STAM: variants seen among roughly 807,000 people sequenced by gnomAD.
STAM encodes signal transducing adapter molecule 1.
In STAM, 16 loss-of-function variants were observed where a neutral mutation model predicts 63.4. The ratio of observed to expected loss-of-function variants is 0.25; its 90% CI spans 0.17 to 0.38. The LOEUF (loss-of-function observed/expected upper bound fraction) is 0.38. STAM is among the 10% of genes least tolerant of loss of function. STAM has a pLI of 1.00. For synonymous variants in STAM, 238 were observed against 223.9 expected, an observed-to-expected ratio of 1.06 and a Z score of -0.56; for missense variants, 636 against 657.1, an observed-to-expected ratio of 0.97 and a Z score of 0.35.
At chr10:17,659,793 C>G (rs1554822641) in intron 1 of STAM, among the ~76,000 whole-genome samples, 1 of 152,074 alleles carries the variant, frequency 6.6e-6, no homozygotes, top group Non-Finnish European at 1.5e-5. Context: ...TATGTAGATA[C>G]AAGTTTCTGA....
intron 8 of STAM, among the ~76,000 whole-genome samples, chr10:17,699,791 A>AT (rs541686405): frequency 2.0e-4 from 30 of 151,846 alleles, no homozygotes; most frequent in Middle Eastern, 3.4e-3. Flanking sequence ...ACCAAATGAG[A>AT]TTTTTTCTTG....
chr10:17,697,738 A>G (rs184483728), intron 8 of STAM, among the ~76,000 whole-genome samples: 29 of 152,322 alleles, frequency 1.9e-4, no homozygotes, highest in Non-Finnish European at 3.2e-4. Flanking sequence ...AAACAGAAAA[A>G]TATGTTCAAA....
chr10:17,648,604 C>T (rs1468595748), intron 1 of STAM, among the ~76,000 whole-genome samples: 1 of 152,180 alleles, frequency 6.6e-6, no homozygotes, highest in Non-Finnish European at 1.5e-5. Context: ...ACAAACCCAC[C>T]AGAGGGAACA....
chr10:17,713,949 C>T (rs781915088), intron 13 of STAM, among the ~76,000 whole-genome samples: 4 of 152,162 alleles, frequency 2.6e-5, no homozygotes, highest in Non-Finnish European at 5.9e-5. Context: ...CTTAGCTGCT[C>T]TCCCCTCGGC....
chr10:17,692,092 G>A (rs1207912527), intron 5 of STAM, among the ~76,000 whole-genome samples: 1 of 152,198 alleles, frequency 6.6e-6, no homozygotes, highest in African/African-American at 2.4e-5. Flanking sequence ...TGCCCATGAG[G>A]TGTAGGTGCT....
At chr10:17,699,339 C>T (rs1336196539) in intron 8 of STAM, among the ~76,000 whole-genome samples, 4 of 152,174 alleles carry the variant, frequency 2.6e-5, no homozygotes, top group Non-Finnish European at 1.5e-5. Flanking sequence ...TCCTGTCTTC[C>T]TTTCCATCAT....
At chr10:17,675,076 A>G (rs1554824500) in intron 2 of STAM, among the ~76,000 whole-genome samples, 1 of 152,218 alleles carries the variant, frequency 6.6e-6, no homozygotes, top group Non-Finnish European at 1.5e-5. Context: ...TGAACAGCTG[A>G]CAGATAGGGA....
At chr10:17,712,123 T>C (rs1348316354) in intron 13 of STAM, among the ~76,000 whole-genome samples, 2 of 152,216 alleles carry the variant, frequency 1.3e-5, no homozygotes, top group Non-Finnish European at 2.9e-5. Flanking sequence ...ACAATAATGC[T>C]AACATTTAAG....
chr10:17,672,939 C>A, intron 2 of STAM: 1 of 703,704 alleles, frequency 1.4e-6, no homozygotes, highest in Non-Finnish European at 1.7e-6. Flanking sequence ...TTTGTCCCTG[C>A]CCCTGACCCC....
intron 2 of STAM, among the ~76,000 whole-genome samples, chr10:17,667,621 C>T (rs1834449671): frequency 6.6e-6 from 1 of 152,186 alleles, no homozygotes; most frequent in Non-Finnish European, 1.5e-5. Flanking sequence ...GTCAATGGTG[C>T]TAATATTCTA....
At chr10:17,693,117 A>T (rs1262526477) in intron 5 of STAM, 105 bp from the exon 6 acceptor site, 72 of 833,112 alleles carry the variant, frequency 8.6e-5, no homozygotes, top group Non-Finnish European at 2.2e-5. Flanking sequence ...TTCTTTCAGA[A>T]ATCTGTGCTA....
chr10:17,673,008 T>A (rs1834703264), intron 2 of STAM: 1 of 985,100 alleles, frequency 1.0e-6, no homozygotes, highest in Admixed American at 6.2e-5. Context: ...TTACAAAAAG[T>A]TTTAAAATAC....
intron 10 of STAM, 89 bp from the exon 11 acceptor site, chr10:17,704,881 T>G: frequency 8.9e-7 from 1 of 1,129,398 alleles, no homozygotes; most frequent in South Asian, 1.4e-5. Flanking sequence ...ATTAAATCTT[T>G]TATTCCTTAA....
At chr10:17,696,246 A>C (rs1835750825) in intron 7 of STAM, 1 of 152,106 alleles carries the variant, frequency 6.6e-6, no homozygotes, top group East Asian at 1.9e-4. Context: ...TGTTCTTTCA[A>C]AAACATGTAT....
intron 2 of STAM, among the ~76,000 whole-genome samples, chr10:17,682,097 A>G (rs977617487): frequency 6.6e-6 from 1 of 152,212 alleles, no homozygotes; most frequent in Non-Finnish European, 1.5e-5. Flanking sequence ...TGACAAATAT[A>G]TATACCTATA....
chr10:17,684,960 G>A (rs782289861), intron 4 of STAM, 33 bp downstream of exon 4: 1 of 1,535,442 alleles, frequency 6.5e-7, no homozygotes, highest in Non-Finnish European at 9.0e-7. Context: ...ATTAATTAAG[G>A]CAGTCTTCTT....
chr10:17,660,416 T>A, intron 1 of STAM, 48 bp from the exon 2 acceptor site: 1 of 1,310,920 alleles, frequency 7.6e-7, no homozygotes, highest in Non-Finnish European at 1.1e-6. Context: ...ATGTATCTTT[T>A]AAAGATTTGA....
At chr10:17,708,979 A>G in intron 13 of STAM, 28 bp downstream of exon 13, 2 of 1,606,708 alleles carry the variant, frequency 1.2e-6, no homozygotes, top group South Asian at 1.1e-5. Context: ...TCTTGTTTGG[A>G]GTTAGTGCTG....
At chr10:17,688,475 G>T (rs1835386576) in intron 5 of STAM, among the ~76,000 whole-genome samples, 1 of 151,996 alleles carries the variant, frequency 6.6e-6, no homozygotes, top group South Asian at 2.1e-4. Flanking sequence ...TTGTTTGTTT[G>T]TTTTTGAGAC....
Sources: gnomAD v4.1 joint callset for allele counts (sites outside exome capture counted in the v4.1 genomes callset) on GRCh38, gnomAD v4.1.1 for gene constraint, MANE v1.5 for transcripts, NCBI Gene and HGNC (gene_info 2026-07-23, HGNC 2026-07-21) for gene names.